SLIT3: variants seen among roughly 807,000 people sequenced by gnomAD.
SLIT3 encodes the protein slit homolog 3 protein.
A neutral mutation model predicts 184.0 loss-of-function variants in SLIT3; 68 were observed. The observed-to-expected ratio is 0.37, with a 90% CI of 0.30 to 0.45. SLIT3 has a LOEUF of 0.45. Among genes scored for constraint, SLIT3 ranks in the 20% least tolerant of loss-of-function variants. The probability of loss-of-function intolerance (pLI) is 1.00; values close to 1 mark genes in which losing one functional copy is unlikely to be tolerated. For synonymous variants in SLIT3, 831 were observed against 828.6 expected (o/e 1.00, Z -0.05); for missense variants, 1,707 against 2,026.0 (o/e 0.84, Z 3.02).
intron 4 of SLIT3, among the ~76,000 whole-genome samples, chr5:168,934,170 G>T (rs572011213): frequency 6.6e-6 from 1 of 152,290 alleles, no homozygotes; most frequent in African/African-American, 2.4e-5. Context: ...GCCAAAGAGG[G>T]AGAACGCTCC....
intron 11 of SLIT3, among the ~76,000 whole-genome samples, chr5:168,786,903 G>A (rs1282233079): frequency 6.6e-6 from 1 of 152,162 alleles, no homozygotes; most frequent in Non-Finnish European, 1.5e-5. Context: ...GGAGAGTTTG[G>A]TTGTTTTTCT....
chr5:169,034,360 T>C (rs1395909738), intron 4 of SLIT3, among the ~76,000 whole-genome samples: 4 of 152,236 alleles, frequency 2.6e-5, no homozygotes, highest in African/African-American at 9.6e-5. Flanking sequence ...CCGTGTTCTC[T>C]TCTAGGAGTT....
chr5:169,109,239 T>C (rs1475753727), intron 4 of SLIT3, among the ~76,000 whole-genome samples: 1 of 152,182 alleles, frequency 6.6e-6, no homozygotes, highest in Non-Finnish European at 1.5e-5. Flanking sequence ...TCTTTGTTAA[T>C]GTGATGAAGT....
At chr5:168,841,371 C>A (rs773503597) in intron 6 of SLIT3, among the ~76,000 whole-genome samples, 7 of 152,088 alleles carry the variant, frequency 4.6e-5, no homozygotes, top group Non-Finnish European at 1.0e-4. Flanking sequence ...TAACTGCTAG[C>A]GATTTTCATT....
At chr5:168,762,751 T>G (rs1283602373) in intron 14 of SLIT3, 62 bp from the exon 15 acceptor site, 62 of 1,556,300 alleles carry the variant, frequency 4.0e-5, no homozygotes, top group Admixed American at 6.8e-5. Flanking sequence ...CCCCAGGTTG[T>G]GGGTAGTGGG....
chr5:168,711,055 C>G lies in SLIT3; in HGVS notation c.2559G>C (p.Ala853=). 2 of 1,576,492 alleles carry G rather than the reference C, an allele frequency of 1.3e-6. No homozygotes were observed. The highest frequency in any genetic ancestry group is 1.7e-6 in the Non-Finnish European group (2 of 1,159,524). Residue 853 remains alanine, a synonymous_variant, in exon 25 of 36, where the codon GCG becomes GCC. Transcript: ENST00000519560. Reference sequence around the variant, plus strand: ...CACAGTGGAGTGGGTTGGTTCCCAGCGCCCTAGGAGGCAGAACAGGAAGTC... The same window carrying G: ...CACAGTGGAGTGGGTTGGTTCCCAGGGCCCTAGGAGGCAGAACAGGAAGTC... ...FNDLTSLSHL[A]LGTNPLHCDC...
intron 3 of SLIT3, among the ~76,000 whole-genome samples, chr5:169,235,588 TTC>T (rs1765167303): frequency 6.6e-6 from 1 of 152,248 alleles, no homozygotes; most frequent in Admixed American, 6.5e-5. Flanking sequence ...AGTTTTTACT[TTC>T]TGTGTTTATT....
chr5:168,778,109 G>T (rs529865526), intron 12 of SLIT3, among the ~76,000 whole-genome samples: 2 of 152,316 alleles, frequency 1.3e-5, no homozygotes, highest in African/African-American at 4.8e-5. Flanking sequence ...GTTCATCCCT[G>T]TTTGAGGAGC....
intron 5 of SLIT3, among the ~76,000 whole-genome samples, chr5:168,877,847 A>G (rs1473370780): frequency 6.9e-6 from 1 of 145,848 alleles, no homozygotes; most frequent in East Asian, 2.0e-4. Context: ...TGAGAAAGAC[A>G]GGGCAAGGGG....
At chr5:168,710,144 A>G (rs528027589) in intron 25 of SLIT3, 1 of 152,356 alleles carries the variant, frequency 6.6e-6, no homozygotes, top group African/African-American at 2.4e-5. Flanking sequence ...GCAGTGGAGT[A>G]TTATGGCTTG....
intron 1 of SLIT3, among the ~76,000 whole-genome samples, chr5:169,294,439 G>GT (rs1168598984): frequency 2.2e-5 from 1 of 44,832 alleles, no homozygotes; most frequent in Non-Finnish European, 4.0e-5. Context: ...GGGCTCTGCT[G>GT]TGGGGGCAGG....
intron 4 of SLIT3, among the ~76,000 whole-genome samples, chr5:168,906,411 T>A (rs1761053844): frequency 6.6e-6 from 1 of 152,190 alleles, no homozygotes. Context: ...ATGGGAAACA[T>A]TATTGCTCTG....
At chr5:169,022,034 G>C (rs1281228770) in intron 4 of SLIT3, 1 of 152,214 alleles carries the variant, frequency 6.6e-6, no homozygotes, top group Non-Finnish European at 1.5e-5. Flanking sequence ...TACTTGATCA[G>C]TCAGAATTAG....
chr5:169,278,607 C>A (rs766615616), intron 1 of SLIT3, among the ~76,000 whole-genome samples: 9 of 152,170 alleles, frequency 5.9e-5, no homozygotes, highest in Non-Finnish European at 1.2e-4. Flanking sequence ...CCAAAGAAAA[C>A]CCTGCTTCTG....
At chr5:168,917,590 C>G (rs540143076) in intron 4 of SLIT3, among the ~76,000 whole-genome samples, 1 of 152,166 alleles carries the variant, frequency 6.6e-6, no homozygotes, top group South Asian at 2.1e-4. Flanking sequence ...ACAGCCCTTC[C>G]CCCTGCTTCT....
intron 5 of SLIT3, among the ~76,000 whole-genome samples, chr5:168,867,944 G>A (rs1213499654): frequency 2.6e-5 from 4 of 152,228 alleles, no homozygotes; most frequent in Non-Finnish European, 5.9e-5. Context: ...GCCAGTAGTT[G>A]AATGGGACCC....
intron 18 of SLIT3, among the ~76,000 whole-genome samples, chr5:168,750,143 C>T (rs1167276045): frequency 6.6e-6 from 1 of 152,172 alleles, no homozygotes; most frequent in Admixed American, 6.5e-5. Flanking sequence ...GCTCGCCTTG[C>T]ACCTTGGACT....
chr5:168,848,612 C>T (rs564945466), intron 5 of SLIT3, among the ~76,000 whole-genome samples: 77 of 152,202 alleles, frequency 5.1e-4, no homozygotes, highest in South Asian at 1.7e-3. Context: ...GCTCGAATTT[C>T]GGCAAACAAT....
chr5:169,295,625 A>G (rs1211146346), intron 1 of SLIT3, among the ~76,000 whole-genome samples: 2 of 152,238 alleles, frequency 1.3e-5, no homozygotes, highest in Non-Finnish European at 2.9e-5. Context: ...CGCCTGCCCT[A>G]ACCACGATGC....
Sources: allele counts gnomAD v4.1 joint callset (sites outside exome capture counted in the v4.1 genomes callset), GRCh38; gene constraint gnomAD v4.1.1; transcripts MANE v1.5; gene names NCBI Gene and HGNC (gene_info 2026-07-23, HGNC 2026-07-21).